The following APBA2 variants were observed in gnomAD, a reference collection of about 807,000 sequenced individuals.
The protein encoded by APBA2 is amyloid-beta A4 precursor protein-binding family A member 2.
A neutral mutation model predicts 75.0 loss-of-function variants in APBA2; 30 were observed. The observed-to-expected ratio is 0.40, with a 90% CI of 0.30 to 0.54. APBA2 has a LOEUF of 0.54. Among genes scored for constraint, APBA2 ranks in the 20% least tolerant of loss-of-function variants. The pLI, the probability that APBA2 is intolerant of heterozygous loss-of-function variation, is 0.49. For synonymous variants in APBA2, 444 were observed against 409.6 expected, an observed-to-expected ratio of 1.08 and a Z score of -1.01; for missense variants, 801 against 1,016.1, an observed-to-expected ratio of 0.79 and a Z score of 2.88.
chr15:28,903,211 TC>T (rs2032959020), intron 1 of APBA2, among the ~76,000 whole-genome samples: 1 of 152,186 alleles, frequency 6.6e-6, no homozygotes. Context: ...TGATACTTGA[TC>T]CCCTGATCAG....
At chr15:28,926,855 C>CTTTTTTT (rs201502989) in intron 2 of APBA2, among the ~76,000 whole-genome samples, 2 of 136,544 alleles carry the variant, frequency 1.5e-5, no homozygotes, top group Non-Finnish European at 1.5e-5. Context: ...CTCTCTCTCT[C>CTTTTTTT]TCTTTTTTTT....
chr15:28,956,877 C>T lies in APBA2; in HGVS notation c.-95+35128C>T, dbSNP rs538386772. ...TCTCAACGTCCTCACGGTGCACACA[C>T]GTCGTAGTGTAGCACGTGTCACAGT... On this transcript the variant is annotated intron_variant, in intron 2 of 14. Coordinates refer to ENST00000683413, the MANE Select transcript of APBA2 (RefSeq NM_001353788.2). Among the ~76,000 whole-genome samples the T allele has an allele frequency of 3.3e-5, 5 of 152,304 alleles. No individual in the cohort carries two copies. In the South Asian group the frequency reaches 6.2e-4, roughly 19 times the overall value.
chr15:29,022,896 A>G (rs2040022990), intron 3 of APBA2, among the ~76,000 whole-genome samples: 1 of 152,002 alleles, frequency 6.6e-6, no homozygotes, highest in Non-Finnish European at 1.5e-5. Flanking sequence ...TTTTCTTGAA[A>G]GTTTTGTACA....
chr15:29,094,092 C>A (rs1340299713), intron 7 of APBA2, among the ~76,000 whole-genome samples, 186 bp from the exon 8 acceptor site: 1 of 152,242 alleles, frequency 6.6e-6, no homozygotes, highest in East Asian at 1.9e-4. Context: ...TCCAGGGACA[C>A]CTGTGTGGGC....
At chr15:28,937,015 A>G (rs192208677) in intron 2 of APBA2, among the ~76,000 whole-genome samples, 21 of 152,344 alleles carry the variant, frequency 1.4e-4, no homozygotes, top group Non-Finnish European at 1.5e-5. Context: ...CTGTGCAGAA[A>G]GAGAAAGCAG....
Position 29,007,504 on chromosome 15 carries a change from T to C in APBA2, c.-41+11698T>C, listed in dbSNP as rs149066881. Among the ~76,000 whole-genome samples the C allele has an allele frequency of 5.4e-3, 828 of 152,288 alleles. 6 individuals are homozygous for C. The highest frequency in any genetic ancestry group is 0.019 in the African/African-American group (790 of 41,560). ...TCTGATAAAGGGTTAATAGCCAGAATGTGTGAAGAATTCTTAGAATTTAAC... is the reference window on the plus strand; with the variant it reads ...TCTGATAAAGGGTTAATAGCCAGAACGTGTGAAGAATTCTTAGAATTTAAC... On this transcript the variant is annotated intron_variant, in intron 3 of 14. Transcript: ENST00000683413.
intron 2 of APBA2, among the ~76,000 whole-genome samples, chr15:28,995,437 A>G (rs1367272520): frequency 6.6e-6 from 1 of 152,170 alleles, no homozygotes; most frequent in African/African-American, 2.4e-5. Flanking sequence ...GGGAAAATAC[A>G]TATTCATGAG....
rs182047074 is a variant in APBA2 at position 28,950,231 on chromosome 15, T to C, written c.-95+28482T>C. Reference sequence around the variant, plus strand: ...AAACCACAGAAGCGAAGCACCATTTTCAACATACATCAATGTTGCATGATA... The same window carrying C: ...AAACCACAGAAGCGAAGCACCATTTCCAACATACATCAATGTTGCATGATA... On this transcript the variant is annotated intron_variant, in intron 2 of 14. Coordinates refer to ENST00000683413, the MANE Select transcript of APBA2 (RefSeq NM_001353788.2). Among the ~76,000 whole-genome samples the C allele has an allele frequency of 5.3e-4, 81 of 152,366 alleles. No individual in the cohort carries two copies. The East Asian group carries it at 9.1e-3, about 17-fold the overall frequency.
At position 29,097,410 on chromosome 15, in the gene APBA2, A is replaced by G. The variant is rs529218892; in HGVS notation, c.1252-1080A>G. Among the ~76,000 whole-genome samples the G allele has an allele frequency of 5.3e-5, 8 of 152,246 alleles. No individual in the cohort carries two copies. In the South Asian group the frequency reaches 1.7e-3, roughly 32 times the overall value. On this transcript the variant is annotated intron_variant, in intron 8 of 14. Transcript: ENST00000683413. ...GTGCCTCTTACAGACTGCCTCGAGA[A>G]CTCACACTTAGCTAGATGATGCGGC...
At chr15:29,043,150 G>C (rs2041136961) in intron 3 of APBA2, among the ~76,000 whole-genome samples, 1 of 152,196 alleles carries the variant, frequency 6.6e-6, no homozygotes, top group Non-Finnish European at 1.5e-5. Flanking sequence ...CATTAATGCT[G>C]CTTTCAGGCG....
chr15:29,023,441 C>CTTTTTTTTTTTTTT (rs10604525), intron 3 of APBA2, among the ~76,000 whole-genome samples: 3 of 73,302 alleles, frequency 4.1e-5, no homozygotes, highest in Non-Finnish European at 7.3e-5. Context: ...TACCTTTTTC[C>CTTTTTTTTTTTTTT]TTTTTTTTTT....
At chr15:29,101,999 G>C (rs964770824) in intron 10 of APBA2, 2 of 612,422 alleles carry the variant, frequency 3.3e-6, no homozygotes, top group Non-Finnish European at 5.8e-6. Flanking sequence ...TTCAGGAGCT[G>C]TTTATAAATT....
chr15:28,910,335 C>T (rs761055398), intron 1 of APBA2, among the ~76,000 whole-genome samples: 9 of 152,110 alleles, frequency 5.9e-5, no homozygotes, highest in South Asian at 2.1e-4. Flanking sequence ...GGCAGCTTGC[C>T]GTAAGGTATC....
At chr15:28,943,222 C>T (rs2035336634) in intron 2 of APBA2, among the ~76,000 whole-genome samples, 1 of 152,162 alleles carries the variant, frequency 6.6e-6, no homozygotes, top group Non-Finnish European at 1.5e-5. Context: ...AGGCTTCTTC[C>T]TTGCCCTGGG....
chr15:29,057,020 C>A (rs1426228608), intron 4 of APBA2, among the ~76,000 whole-genome samples: 4 of 152,110 alleles, frequency 2.6e-5, no homozygotes, highest in African/African-American at 9.7e-5. Context: ...CAGGCCGTGC[C>A]AGGAGCCAAC....
rs568677525 is a variant in APBA2, at chr15:29,114,091, C to T, written c.2178+75C>T. 1.7e-4 allele frequency: 277 copies of T among 1,600,584 alleles called. 1 individual carries two copies. The African/African-American group carries it at 1.7e-3, about 10-fold the overall frequency. On this transcript the variant is annotated intron_variant, in intron 14 of 14. Transcript: ENST00000683413. ...CCGCCTGCCCTCCATGAGCCTCCCC[C>T]GCTCCAGAGGACACAGGGCATCTGA...
intron 2 of APBA2, among the ~76,000 whole-genome samples, chr15:28,963,785 G>A (rs1261269808): frequency 2.0e-5 from 3 of 152,096 alleles, no homozygotes; most frequent in African/African-American, 7.2e-5. Context: ...ACTTAGCCCC[G>A]CTTCAATGTT....
At chr15:28,944,237 T>C (rs191880412) in intron 2 of APBA2, among the ~76,000 whole-genome samples, 4 of 152,298 alleles carry the variant, frequency 2.6e-5, no homozygotes, top group African/African-American at 9.6e-5. Flanking sequence ...CAGAGCTCTT[T>C]CGCGGTTTGG....
intron 6 of APBA2, among the ~76,000 whole-genome samples, chr15:29,080,754 A>T (rs979245846): frequency 3.9e-5 from 6 of 152,178 alleles, no homozygotes; most frequent in African/African-American, 1.4e-4. Context: ...GCTTTTCTAT[A>T]CAGGTAAACA....
Sources: allele counts gnomAD v4.1 joint callset (sites outside exome capture counted in the v4.1 genomes callset), GRCh38; gene constraint gnomAD v4.1.1; transcripts MANE v1.5; gene names NCBI Gene and HGNC (gene_info 2026-07-23, HGNC 2026-07-21).